Variants in RALGAPA1 observed in about 807,000 individuals in gnomAD.
RALGAPA1 encodes ral GTPase-activating protein subunit alpha-1.
A neutral mutation model predicts 269.6 loss-of-function variants in RALGAPA1; 52 were observed. That is an observed-to-expected ratio of 0.19 (90% CI 0.15 to 0.24). The LOEUF (loss-of-function observed/expected upper bound fraction) is 0.24. Ranked by LOEUF, RALGAPA1 falls within the 10% of genes least tolerant of loss-of-function variation. The pLI is 1.00. For synonymous variants in RALGAPA1, 817 were observed against 1,008.3 expected, an observed-to-expected ratio of 0.81 and a Z score of 3.60; for missense variants, 1,917 against 3,013.9, an observed-to-expected ratio of 0.64 and a Z score of 8.52.
At chr14:35,742,878 G>A (rs2071698774) in intron 10 of RALGAPA1, among the ~76,000 whole-genome samples, 1 of 151,850 alleles carries the variant, frequency 6.6e-6, no homozygotes, top group East Asian at 1.9e-4. Flanking sequence ...ATAAAAATAA[G>A]TAAGACAATT....
At chr14:35,664,867 A>G in intron 26 of RALGAPA1, 100 bp from the exon 27 acceptor site, 1 of 1,037,768 alleles carries the variant, frequency 9.6e-7, no homozygotes, top group Non-Finnish European at 1.4e-6. Context: ...GGGAAGTGAT[A>G]CATAAAACAA....
At chr14:35,617,652 G>GGGGGGGGGGGGA (rs1566834733) in intron 35 of RALGAPA1, among the ~76,000 whole-genome samples, 1 of 24,430 alleles carries the variant, frequency 4.1e-5, no homozygotes, top group African/African-American at 1.8e-4. Context: ...GGGGGGGGGG[G>GGGGGGGGGGGGA]AAGGGGGTGA....
chr14:35,766,326 C>A lies in RALGAPA1; in HGVS notation c.326-3573G>T, dbSNP rs565020012. 9.9e-6 allele frequency: 11 copies of A among 1,113,858 alleles called. No homozygotes were observed. The African/African-American group carries it at 1.1e-4, about 11-fold the overall frequency. The allele number at this position is 1,113,858 out of a possible 1,614,324, so 69.0% of individuals were successfully genotyped here. On this transcript the variant is annotated intron_variant, in intron 4 of 41. Coordinates refer to ENST00000680220, the MANE Select transcript of RALGAPA1 (RefSeq NM_001346249.2). ...TACCACAGCACAGGATCCTGTTAAA[C>A]CATTCATGATTCCCAGTTTGACAAA...
At chr14:35,594,734 A>G (rs1350991126) in intron 37 of RALGAPA1, among the ~76,000 whole-genome samples, 1 of 151,886 alleles carries the variant, frequency 6.6e-6, no homozygotes, top group Non-Finnish European at 1.5e-5. Context: ...AAAAAAAAAA[A>G]AAGTACGGAG....
At chr14:35,690,714 C>T (rs1595158202) in intron 17 of RALGAPA1, among the ~76,000 whole-genome samples, 3 of 152,108 alleles carry the variant, frequency 2.0e-5, no homozygotes, top group African/African-American at 7.2e-5. Context: ...CTGTTATTGG[C>T]CCTTTCCATT....
At chr14:35,705,018 AAC>A (rs1010325417) in intron 16 of RALGAPA1, among the ~76,000 whole-genome samples, 10 of 152,276 alleles carry the variant, frequency 6.6e-5, no homozygotes, top group Middle Eastern at 3.4e-3. Context: ...CATTTTTCAA[AAC>A]AGTTTTAGGT....
chr14:35,613,201 C>T (rs1354535713), intron 35 of RALGAPA1, among the ~76,000 whole-genome samples: 1 of 151,806 alleles, frequency 6.6e-6, no homozygotes, highest in Non-Finnish European at 1.5e-5. Context: ...AGTGTCTCAG[C>T]CTCCTGAGTA....
chr14:35,796,844 G>A (rs376111755), intron 1 of RALGAPA1, among the ~76,000 whole-genome samples: 4 of 151,880 alleles, frequency 2.6e-5, no homozygotes, highest in African/African-American at 7.2e-5. Context: ...GCAGTGGCAC[G>A]ATCTCGGATC....
In RALGAPA1 at chr14:35,626,799, T is replaced by TA. The variant is rs34788736; in HGVS notation, c.6857+290dup. Among the ~76,000 whole-genome samples, 471 of 149,668 alleles carry TA rather than the reference T, an allele frequency of 3.1e-3. 1 individual carries two copies. The highest frequency in any genetic ancestry group is 7.7e-3 in the African/African-American group (317 of 41,010). On this transcript the variant is annotated intron_variant, in intron 34 of 41. Coordinates refer to ENST00000680220, the MANE Select transcript of RALGAPA1 (RefSeq NM_001346249.2). Reference sequence around the variant, plus strand: ...CCGGAAATAATCATATTGCAGTTTCTAAAAAAAAAATTATTAGGCTTACAT... The same window carrying TA: ...CCGGAAATAATCATATTGCAGTTTCTAAAAAAAAAAATTATTAGGCTTACAT...
chr14:35,631,030 G>A (rs2061328766), intron 33 of RALGAPA1, among the ~76,000 whole-genome samples: 3 of 151,752 alleles, frequency 2.0e-5, no homozygotes, highest in Non-Finnish European at 1.5e-5. Context: ...AAGAATGTAA[G>A]GAAAGTAAAA....
chr14:35,625,262 C>A, intron 35 of RALGAPA1, 99 bp downstream of exon 35: 11 of 583,996 alleles, frequency 1.9e-5, no homozygotes, highest in Non-Finnish European at 2.1e-5. Context: ...AAATCAATAA[C>A]ACAGTATTAT....
At chr14:35,585,254 G>C (rs975523840) in intron 37 of RALGAPA1, among the ~76,000 whole-genome samples, 1 of 151,956 alleles carries the variant, frequency 6.6e-6, no homozygotes, top group Non-Finnish European at 1.5e-5. Flanking sequence ...ATACACCTTC[G>C]GAAATTCAAA....
chr14:35,668,231 C>T (rs1428957890), intron 26 of RALGAPA1, among the ~76,000 whole-genome samples: 1 of 152,148 alleles, frequency 6.6e-6, no homozygotes, highest in East Asian at 1.9e-4. Context: ...GCCTGTAATC[C>T]TAGGACTTTG....
At chr14:35,691,099 A>T in intron 17 of RALGAPA1, among the ~76,000 whole-genome samples, 1 of 150,142 alleles carries the variant, frequency 6.7e-6, no homozygotes, top group South Asian at 2.1e-4. Flanking sequence ...AATTATTATT[A>T]TTATTATAGA....
chr14:35,791,099 C>T (rs1323614868), intron 1 of RALGAPA1, among the ~76,000 whole-genome samples: 1 of 152,122 alleles, frequency 6.6e-6, no homozygotes, highest in African/African-American at 2.4e-5. Context: ...CAGCAGCATG[C>T]ACCCCAAAAC....
intron 36 of RALGAPA1, among the ~76,000 whole-genome samples, chr14:35,600,327 C>T (rs187374276): frequency 6.0e-5 from 9 of 149,494 alleles, no homozygotes; most frequent in Admixed American, 4.0e-4. Flanking sequence ...ACCTCCGGGA[C>T]TCAAGCAATC....
intron 17 of RALGAPA1, among the ~76,000 whole-genome samples, chr14:35,698,023 C>T (rs2067033422): frequency 6.6e-6 from 1 of 152,050 alleles, no homozygotes; most frequent in Non-Finnish European, 1.5e-5. Context: ...TATGCTTTTC[C>T]ATATAATCCA....
chr14:35,619,614 A>G (rs1044675280), intron 35 of RALGAPA1, among the ~76,000 whole-genome samples: 1 of 152,204 alleles, frequency 6.6e-6, no homozygotes, highest in African/African-American at 2.4e-5. Flanking sequence ...CAAGACTAAT[A>G]AAGAAGAAAA....
intron 22 of RALGAPA1, 42 bp downstream of exon 22, chr14:35,677,907 GC>G: frequency 6.4e-7 from 1 of 1,564,082 alleles, no homozygotes; most frequent in Non-Finnish European, 8.8e-7. Flanking sequence ...TGACACTGAC[GC>G]CCTAAAAGAA....
Sources: allele counts gnomAD v4.1 joint callset (sites outside exome capture counted in the v4.1 genomes callset), GRCh38; gene constraint gnomAD v4.1.1; transcripts MANE v1.5; gene names NCBI Gene and HGNC (gene_info 2026-07-23, HGNC 2026-07-21).